DCP1B: variants seen among roughly 807,000 people sequenced by gnomAD.
The protein encoded by DCP1B is mRNA-decapping enzyme 1B.
In DCP1B, 47 loss-of-function variants were observed where a neutral mutation model predicts 60.5. That is an observed-to-expected ratio of 0.78 (90% confidence interval 0.61 to 0.99). The LOEUF (loss-of-function observed/expected upper bound fraction) is 0.99. DCP1B is among the 50% of genes least tolerant of loss of function. DCP1B has a pLI of 0.00. For synonymous variants in DCP1B, 267 were observed against 280.3 expected, an observed-to-expected ratio of 0.95 and a Z score of 0.47; for missense variants, 725 against 756.8, an observed-to-expected ratio of 0.96 and a Z score of 0.49.
At chr12:2,003,018 T>A (rs1363338812) in intron 1 of DCP1B, among the ~76,000 whole-genome samples, 1 of 152,226 alleles carries the variant, frequency 6.6e-6, no homozygotes, top group Non-Finnish European at 1.5e-5. Flanking sequence ...AGAACGAATA[T>A]TAAAGAGCTC....
chr12:1,979,124 T>G (rs904508590), intron 3 of DCP1B, among the ~76,000 whole-genome samples: 3 of 152,008 alleles, frequency 2.0e-5, no homozygotes, highest in African/African-American at 7.3e-5. Flanking sequence ...GAAATTCTCC[T>G]GCCTCAGGCT....
intron 3 of DCP1B, among the ~76,000 whole-genome samples, chr12:1,987,647 C>A (rs780148118): frequency 8.9e-4 from 135 of 152,206 alleles, no homozygotes; most frequent in Non-Finnish European, 5.6e-4. Flanking sequence ...CATGTATGTA[C>A]CATTTCTTGA....
chr12:1,971,290 T>C lies in DCP1B; in HGVS notation c.320-3380A>G, dbSNP rs1004225625. 1.4e-6 allele frequency: 1 copy of C among 722,098 alleles called. No homozygotes were observed. Among genetic ancestry groups the C allele is most frequent in the Admixed American group, 2.8e-5 (1 of 36,092 alleles). 44.7% of individuals were successfully genotyped at this position (722,098 alleles called of 1,614,324 possible). A position where few individuals can be genotyped will look rare whatever the true frequency, so the allele number is the denominator to read the frequency against. On this transcript the variant is annotated intron_variant, in intron 3 of 8. Coordinates refer to ENST00000280665, the MANE Select transcript of DCP1B (RefSeq NM_152640.5). This position sits in a 1 kb window ranked among gnomAD's most constrained non-coding sequence, Gnocchi z 4.2. ...TAATGATACCTAGAATGTGACTTCC[T>C]CACTCTAAGAACTCATCTCTCCATA...
At chr12:1,997,254 T>G (rs1379967884) in intron 2 of DCP1B, among the ~76,000 whole-genome samples, 2 of 152,170 alleles carry the variant, frequency 1.3e-5, no homozygotes, top group Non-Finnish European at 2.9e-5. Flanking sequence ...AACAGCCAGG[T>G]GCGGTGGCTC....
chr12:1,958,650 A>C (rs537364734), intron 5 of DCP1B, among the ~76,000 whole-genome samples: 2 of 148,244 alleles, frequency 1.3e-5, no homozygotes, highest in African/African-American at 2.5e-5. Context: ...AAGCTCCCCA[A>C]CGTCGCTCTG....
Position 1,967,843 on chromosome 12 carries a change from C to T in DCP1B, c.386+1G>A. ...AAAATATTTAGCCTTTTAGTACTTA[C>T]TTTTTCATAAGCTCTGCAATTCTTT... On this transcript the variant is annotated splice_donor_variant, in intron 4 of 8. Coordinates refer to ENST00000280665, the MANE Select transcript of DCP1B (RefSeq NM_152640.5). LOFTEE classifies it high-confidence loss of function. 1 of 1,611,608 alleles carries T rather than the reference C, an allele frequency of 6.2e-7. No individual in the cohort carries two copies. The highest frequency in any genetic ancestry group is 8.5e-7 in the Non-Finnish European group (1 of 1,179,276).
chr12:1,973,332 T>C (rs991388424), intron 3 of DCP1B, among the ~76,000 whole-genome samples: 1 of 152,184 alleles, frequency 6.6e-6, no homozygotes, highest in African/African-American at 2.4e-5. Context: ...CATGAACATT[T>C]TGGGGGAAAC....
Position 1,962,467 on chromosome 12 carries a change from T to C in DCP1B, c.522+3091A>G, listed in dbSNP as rs2031160588. Among the ~76,000 whole-genome samples the C allele has an allele frequency of 6.6e-6, 1 of 152,008 alleles. No homozygotes were observed. The highest frequency in any genetic ancestry group is 1.5e-5 in the Non-Finnish European group (1 of 67,966). On this transcript the variant is annotated intron_variant, in intron 5 of 8. Coordinates refer to ENST00000280665, the MANE Select transcript of DCP1B (RefSeq NM_152640.5). The surrounding 1 kb of genome is among the most constrained non-coding windows in gnomAD (Gnocchi z 4.4). ...GAGGAGGGAGGGAAAGAAAGGAAAA[T>C]AATTTTTTTCAATATTTGTATTTAT...
At chr12:1,952,134 C>T (rs2030694575) in intron 7 of DCP1B, among the ~76,000 whole-genome samples, 1 of 152,214 alleles carries the variant, frequency 6.6e-6, no homozygotes, top group African/African-American at 2.4e-5. Flanking sequence ...GAAGTGGACT[C>T]TACATTTCAC....
intron 1 of DCP1B, among the ~76,000 whole-genome samples, chr12:1,998,552 A>T (rs1370404588): frequency 2.0e-5 from 3 of 152,210 alleles, no homozygotes; most frequent in Non-Finnish European, 4.4e-5. Flanking sequence ...TCAAGGTCTG[A>T]CCCGAGATCA....
chr12:1,968,306 C>G (rs1048205354), intron 3 of DCP1B, among the ~76,000 whole-genome samples: 2 of 150,328 alleles, frequency 1.3e-5, no homozygotes, highest in Non-Finnish European at 3.0e-5. Flanking sequence ...GAGCCAGGAT[C>G]GCGCCATTGG....
chr12:1,977,918 A>C (rs1391027864), intron 3 of DCP1B, among the ~76,000 whole-genome samples: 1 of 152,212 alleles, frequency 6.6e-6, no homozygotes, highest in Non-Finnish European at 1.5e-5. Flanking sequence ...TATAATAGCC[A>C]CCAAGAAAAT....
intron 3 of DCP1B, among the ~76,000 whole-genome samples, chr12:1,978,781 G>A (rs75744707): frequency 6.6e-6 from 1 of 152,186 alleles, no homozygotes; most frequent in African/African-American, 2.4e-5. Flanking sequence ...ATATAAATGG[G>A]GTCGTACAGT....
intron 1 of DCP1B, among the ~76,000 whole-genome samples, chr12:2,003,953 C>T (rs770465050): frequency 6.6e-6 from 1 of 152,220 alleles, no homozygotes; most frequent in Non-Finnish European, 1.5e-5. Context: ...TCTACTTTCT[C>T]GAGCACATCG....
intron 3 of DCP1B, among the ~76,000 whole-genome samples, chr12:1,970,066 T>C (rs1486260542): frequency 1.3e-5 from 2 of 152,214 alleles, no homozygotes; most frequent in Non-Finnish European, 2.9e-5. Flanking sequence ...CGTTTGATGT[T>C]ATACATTTGC....
At chr12:1,987,097 C>CT (rs2038020515) in intron 3 of DCP1B, among the ~76,000 whole-genome samples, 1 of 151,990 alleles carries the variant, frequency 6.6e-6, no homozygotes, top group Non-Finnish European at 1.5e-5. Flanking sequence ...ACCACGCATG[C>CT]TTAAAAAAAA....
intron 1 of DCP1B, among the ~76,000 whole-genome samples, chr12:1,998,221 A>G (rs2041393603): frequency 6.6e-6 from 1 of 152,196 alleles, no homozygotes; most frequent in Admixed American, 6.5e-5. Context: ...ATCTCTCTTT[A>G]CCAAATACAG....
chr12:1,978,524 T>A (rs1471428400), intron 3 of DCP1B, among the ~76,000 whole-genome samples: 1 of 152,224 alleles, frequency 6.6e-6, no homozygotes, highest in East Asian at 1.9e-4. Context: ...TATTTCTACT[T>A]TCTTACATTG....
At chr12:1,958,752 CG>C (rs2031002989) in intron 5 of DCP1B, among the ~76,000 whole-genome samples, 1 of 64,244 alleles carries the variant, frequency 1.6e-5, no homozygotes, top group Admixed American at 1.7e-4. Context: ...ATAAACCTCC[CG>C]GAAGGAAACA....
Sources: allele counts gnomAD v4.1 joint callset (sites outside exome capture counted in the v4.1 genomes callset), GRCh38; gene constraint gnomAD v4.1.1; non-coding constraint Gnocchi (gnomAD v3.1); transcripts MANE v1.5; gene names NCBI Gene and HGNC (gene_info 2026-07-23, HGNC 2026-07-21).